LRRTM3: variants seen among roughly 807,000 people sequenced by gnomAD.
LRRTM3 encodes leucine rich repeat transmembrane neuronal 3, also known as leucine-rich repeat transmembrane neuronal protein 3.
In LRRTM3, 24 loss-of-function variants were observed where a neutral mutation model predicts 44.7. The ratio of observed to expected loss-of-function variants is 0.54; its 90% CI spans 0.39 to 0.76. The LOEUF (loss-of-function observed/expected upper bound fraction) is 0.76, where lower values mean the gene tolerates loss of function less well. Ranked by LOEUF, LRRTM3 falls within the 30% of genes least tolerant of loss-of-function variation. The pLI, the probability that LRRTM3 is intolerant of heterozygous loss-of-function variation, is 0.00. For missense variants in LRRTM3, 587 were observed against 702.2 expected, an observed-to-expected ratio of 0.84 and a Z score of 1.85; for synonymous variants, 277 against 278.7, an observed-to-expected ratio of 0.99 and a Z score of 0.06.
At chr10:67,059,203 T>C (rs1444236601) in intron 2 of LRRTM3, among the ~76,000 whole-genome samples, 1 of 152,170 alleles carries the variant, frequency 6.6e-6, no homozygotes, top group Non-Finnish European at 1.5e-5. Flanking sequence ...CTCAAGTTGG[T>C]CACATTATAA....
At chr10:67,033,605 GT>G (rs1474010369) in intron 2 of LRRTM3, among the ~76,000 whole-genome samples, 6 of 152,228 alleles carry the variant, frequency 3.9e-5, no homozygotes, top group Admixed American at 3.9e-4. Flanking sequence ...ACTACATATT[GT>G]AACTCATTTA....
At chr10:67,066,644 T>A (rs1856109588) in intron 2 of LRRTM3, among the ~76,000 whole-genome samples, 1 of 151,670 alleles carries the variant, frequency 6.6e-6, no homozygotes, top group Non-Finnish European at 1.5e-5. Context: ...CACTAAATAA[T>A]AAAAAATCCT....
At chr10:66,926,757 A>G (rs556485981) in intron 1 of LRRTM3, among the ~76,000 whole-genome samples, 164 bp from the exon 2 acceptor site, 1 of 152,344 alleles carries the variant, frequency 6.6e-6, no homozygotes, top group African/African-American at 2.4e-5. Flanking sequence ...TAAAAAAACA[A>G]AACACTAAAG....
chr10:67,057,616 G>A (rs1402709311), intron 2 of LRRTM3, among the ~76,000 whole-genome samples: 2 of 152,062 alleles, frequency 1.3e-5, no homozygotes, highest in Admixed American at 6.6e-5. Flanking sequence ...TTAAGACTGA[G>A]AATACTGACC....
At chr10:67,010,603 C>A (rs1852259413) in intron 2 of LRRTM3, among the ~76,000 whole-genome samples, 1 of 152,194 alleles carries the variant, frequency 6.6e-6, no homozygotes, top group Non-Finnish European at 1.5e-5. Context: ...ACAGAAGCAT[C>A]TTTACCACCG....
Position 66,928,425 on chromosome 10 carries a change from T to C in LRRTM3, c.1509T>C (p.Tyr503=). The change falls in exon 2 of 3, where the codon TAT becomes TAC. Residue 503 remains tyrosine, a synonymous_variant. Coordinates refer to ENST00000361320, the MANE Select transcript of LRRTM3 (RefSeq NM_178011.5). ...MLLNGTGPCT[Y]NKSGSRECEI... ...TGAATGGGACGGGACCCTGCACCTA[T>C]AACAAATCGGGCTCCAGGGAGTGTG... 1 of 1,610,886 alleles carries C rather than the reference T, an allele frequency of 6.2e-7. No individual in the cohort carries two copies. The highest frequency in any genetic ancestry group is 8.5e-7 in the Non-Finnish European group (1 of 1,178,950).
At chr10:66,985,167 C>G (rs1235155445) in intron 2 of LRRTM3, among the ~76,000 whole-genome samples, 1 of 152,120 alleles carries the variant, frequency 6.6e-6, no homozygotes, top group Non-Finnish European at 1.5e-5. Flanking sequence ...TTTCCTACCA[C>G]CTTTATCAGT....
chr10:67,057,574 T>C (rs907093610), intron 2 of LRRTM3, among the ~76,000 whole-genome samples: 3 of 152,296 alleles, frequency 2.0e-5, no homozygotes, highest in Non-Finnish European at 4.4e-5. Context: ...GGTTTATCCA[T>C]GTTGTCTCAA....
chr10:67,064,573 C>A (rs1855957861), intron 2 of LRRTM3, among the ~76,000 whole-genome samples: 1 of 152,150 alleles, frequency 6.6e-6, no homozygotes, highest in African/African-American at 2.4e-5. Flanking sequence ...AATTTTGACT[C>A]TTCCCCTTAG....
chr10:67,038,349 G>C (rs1215723892), intron 2 of LRRTM3, among the ~76,000 whole-genome samples: 1 of 151,850 alleles, frequency 6.6e-6, no homozygotes, highest in African/African-American at 2.4e-5. Context: ...GTTTACTTAA[G>C]TCACTATATG....
Position 67,060,654 on chromosome 10 carries a change from C to G in LRRTM3, c.1537-36933C>G, listed in dbSNP as rs960484655. 7.9e-5 allele frequency among the ~76,000 whole-genome samples: 12 copies of G among 152,018 alleles called. No individual in the cohort carries two copies. In the South Asian group the frequency reaches 1.0e-3, roughly 13 times the overall value. On this transcript the variant is annotated intron_variant, in intron 2 of 2. Coordinates refer to ENST00000361320, the MANE Select transcript of LRRTM3 (RefSeq NM_178011.5). The stretch of plus-strand genomic sequence containing the variant: ...GCTGTTGGCAGTTTCTCTTTCTTTA[C>G]CATGGGTTCCTGTCTCTCTCTCTCT...
chr10:67,010,379 T>C (rs1416831555), intron 2 of LRRTM3, among the ~76,000 whole-genome samples: 1 of 152,086 alleles, frequency 6.6e-6, no homozygotes, highest in Non-Finnish European at 1.5e-5. Flanking sequence ...TATAAAAGGG[T>C]TTATCATTTA....
chr10:67,056,362 G>C (rs1855429946), intron 2 of LRRTM3, among the ~76,000 whole-genome samples: 1 of 152,110 alleles, frequency 6.6e-6, no homozygotes, highest in Non-Finnish European at 1.5e-5. Context: ...GTCATTGTTA[G>C]TCTTCCCAAT....
chr10:66,984,214 T>C (rs1012477144), intron 2 of LRRTM3, among the ~76,000 whole-genome samples: 1 of 152,184 alleles, frequency 6.6e-6, no homozygotes, highest in Non-Finnish European at 1.5e-5. Context: ...TTTCAACGAA[T>C]GATGACGTTC....
intron 2 of LRRTM3, among the ~76,000 whole-genome samples, chr10:67,027,950 T>G (rs1853492034): frequency 6.6e-6 from 1 of 152,194 alleles, no homozygotes; most frequent in Admixed American, 6.5e-5. Context: ...TTATAAAATC[T>G]CCATCTGTTT....
At chr10:67,086,266 T>C (rs12358029) in intron 2 of LRRTM3, among the ~76,000 whole-genome samples, 53,629 of 151,880 alleles carry the variant, frequency 0.35, 9,839 homozygotes, top group Middle Eastern at 0.53. Context: ...CTTTAAAAAA[T>C]GTTACTTGAA....
Position 66,928,019 on chromosome 10 carries a change from G to T in LRRTM3, c.1103G>T (p.Arg368Met), listed in dbSNP as rs140333834. 4.3e-6 allele frequency: 7 copies of T among 1,614,134 alleles called. No individual in the cohort carries two copies. The Admixed American group carries it at 5.0e-5, about 12-fold the overall frequency. Reference protein sequence around the residue: ...YSICGKSTTERFDLARALPKP... With the variant: ...YSICGKSTTEMFDLARALPKP... ...ATCTGTGGCAAAAGTACTACAGAGA[G>T]GTTTGATCTGGCCAGGGCTCTCCCA... is the stretch of plus-strand genomic sequence containing the variant. Residue 368 changes from arginine (R) to methionine (M), a missense_variant, in exon 2 of 3, where the codon AGG becomes ATG. Physicochemically the swap from Arg to Met is moderately conservative, Grantham distance 91 (BLOSUM62 -1). Coordinates refer to ENST00000361320, the MANE Select transcript of LRRTM3 (RefSeq NM_178011.5).
chr10:66,968,959 G>A (rs1254544219), intron 2 of LRRTM3, among the ~76,000 whole-genome samples: 4 of 152,054 alleles, frequency 2.6e-5, no homozygotes, highest in Non-Finnish European at 4.4e-5. Flanking sequence ...GGAGGTTCCA[G>A]TGAGCTGAGA....
intron 2 of LRRTM3, among the ~76,000 whole-genome samples, chr10:67,006,988 G>T (rs1042246935): frequency 1.1e-4 from 17 of 152,120 alleles, no homozygotes; most frequent in Admixed American, 2.6e-4. Context: ...TACAGATGGG[G>T]TTTCACCATG....
Sources: allele counts gnomAD v4.1 joint callset (sites outside exome capture counted in the v4.1 genomes callset), GRCh38; gene constraint gnomAD v4.1.1; transcripts MANE v1.5; gene names NCBI Gene and HGNC (gene_info 2026-07-23, HGNC 2026-07-21).